DNAJC3: variants seen among roughly 807,000 people sequenced by gnomAD.
The protein encoded by DNAJC3 is dnaJ homolog subfamily C member 3.
A neutral mutation model predicts 68.6 loss-of-function variants in DNAJC3; 38 were observed. The observed-to-expected ratio is 0.55, with a 90% confidence interval of 0.43 to 0.73. The LOEUF (loss-of-function observed/expected upper bound fraction) is 0.73, where lower values mean the gene tolerates loss of function less well. Among genes scored for constraint, DNAJC3 ranks in the 30% least tolerant of loss-of-function variants. The pLI, the probability that DNAJC3 is intolerant of heterozygous loss-of-function variation, is 0.00. For missense variants in DNAJC3, 526 were observed against 591.9 expected (o/e 0.89, Z 1.16); for synonymous variants, 203 against 204.0 (o/e 1.00, Z 0.04).
chr13:95,725,251 T>C lies in DNAJC3; in HGVS notation c.392T>C (p.Val131Ala). The C allele has an allele frequency of 1.3e-6, 2 of 1,589,686 alleles. No homozygotes were observed. The highest frequency in any genetic ancestry group is 1.2e-5 in the South Asian group (1 of 86,256). ...LDEAEDDFKKVLKSNPSENEE... is the reference protein window; with the variant it reads ...LDEAEDDFKKALKSNPSENEE... ...GAAGCAGAAGATGATTTTAAAAAAG[T>C]GGTAAGTTCAATATGTATTTGACTC... The change falls in exon 4 of 12, where the codon GTG becomes GCG. Residue 131 changes from valine to alanine, a missense_variant and splice_region_variant. Transcript: ENST00000602402.
chr13:95,766,837 AT>A (rs1192480536), intron 9 of DNAJC3, among the ~76,000 whole-genome samples: 1 of 151,712 alleles, frequency 6.6e-6, no homozygotes, highest in African/African-American at 2.4e-5. Flanking sequence ...AGTAGCTGGG[AT>A]TACAGGAACT....
intron 1 of DNAJC3, among the ~76,000 whole-genome samples, chr13:95,708,776 G>A (rs1164853076): frequency 6.6e-6 from 1 of 152,106 alleles, no homozygotes; most frequent in African/African-American, 2.4e-5. Flanking sequence ...GCGCCAGGAC[G>A]GTATGAGGGG....
intron 4 of DNAJC3, among the ~76,000 whole-genome samples, chr13:95,730,659 C>T (rs1355900887): frequency 1.3e-5 from 2 of 152,142 alleles, no homozygotes; most frequent in Non-Finnish European, 2.9e-5. Context: ...TAATCTGTTC[C>T]ATTGATGTAT....
At position 95,763,892 on chromosome 13, in the gene DNAJC3, C is replaced by A; in HGVS notation, c.1014C>A (p.Asp338Glu). 1 of 1,613,994 alleles carries A rather than the reference C, an allele frequency of 6.2e-7. No individual in the cohort carries two copies. Residue 338 changes from aspartate to glutamate, a missense_variant, in exon 9 of 12, where the codon GAC becomes GAA. By Grantham distance (45) the Asp-to-Glu change is conservative. Coordinates refer to ENST00000602402, the MANE Select transcript of DNAJC3 (RefSeq NM_006260.5). The part of the protein sequence containing the change: ...VCSEVLQMEP[D>E]NVNALKDRAE... ...CTGAAGTTTTACAGATGGAACCTGA[C>A]AATGTGAATGCCCTGAAAGATCGAG...
chr13:95,785,419 T>G (rs1232210200), intron 9 of DNAJC3, among the ~76,000 whole-genome samples: 2 of 147,440 alleles, frequency 1.4e-5, no homozygotes, highest in Non-Finnish European at 3.0e-5. Context: ...ATAAACTACC[T>G]AAACTCAGTT....
rs112456868 is a variant in DNAJC3 at position 95,744,542 on chromosome 13, G to A, written c.394-13102G>A. Among the ~76,000 whole-genome samples the A allele has an allele frequency of 4.2e-3, 633 of 152,280 alleles. 3 individuals carry two copies. Among genetic ancestry groups the A allele is most frequent in the Non-Finnish European group, 6.1e-3 (415 of 68,020 alleles). On this transcript the variant is annotated intron_variant, in intron 4 of 11. Transcript: ENST00000602402. ...GTTTGAAGTAAATTTAGGGTACCTG[G>A]AATAGTTTGTCCAAACTCATTGTAG... is the stretch of plus-strand genomic sequence containing the variant.
At chr13:95,787,665 ATG>A (rs1883643633) in intron 11 of DNAJC3, among the ~76,000 whole-genome samples, 3 of 150,468 alleles carry the variant, frequency 2.0e-5, no homozygotes, top group Admixed American at 2.0e-4. Context: ...ACAGGCTTAT[ATG>A]TGTTTTTTTT....
chr13:95,727,581 A>T (rs1881572960), intron 4 of DNAJC3, among the ~76,000 whole-genome samples: 2 of 152,196 alleles, frequency 1.3e-5, no homozygotes, highest in African/African-American at 2.4e-5. Context: ...ATGCAGTGGT[A>T]AGAAATAATA....
At chr13:95,772,059 A>C (rs184808344) in intron 9 of DNAJC3, among the ~76,000 whole-genome samples, 1 of 152,352 alleles carries the variant, frequency 6.6e-6, no homozygotes, top group East Asian at 1.9e-4. Flanking sequence ...TCTCTGTTGC[A>C]ACTACTCAGC....
At chr13:95,762,287 A>G (rs983279793) in intron 7 of DNAJC3, among the ~76,000 whole-genome samples, 1 of 152,076 alleles carries the variant, frequency 6.6e-6, no homozygotes, top group Non-Finnish European at 1.5e-5. Flanking sequence ...TCTGTTTGCA[A>G]GTCTGTCCTT....
chr13:95,710,832 G>A (rs972335994), intron 2 of DNAJC3, among the ~76,000 whole-genome samples: 1 of 152,058 alleles, frequency 6.6e-6, no homozygotes, highest in Non-Finnish European at 1.5e-5. Flanking sequence ...GACTACAGCT[G>A]CATGCCATCA....
intron 1 of DNAJC3, chr13:95,692,487 A>C (rs1237317822): frequency 3.9e-5 from 6 of 152,006 alleles, no homozygotes; most frequent in Non-Finnish European, 7.4e-5. Flanking sequence ...AGCATAGTTA[A>C]ATATTCTTGT....
chr13:95,742,546 A>G (rs1195549180), intron 4 of DNAJC3: 2 of 431,290 alleles, frequency 4.6e-6, no homozygotes, highest in Admixed American at 5.5e-5. Flanking sequence ...GGGGTCACTT[A>G]CTTACTTTTT....
chr13:95,707,230 C>G (rs1430500453), intron 1 of DNAJC3, among the ~76,000 whole-genome samples: 2 of 152,142 alleles, frequency 1.3e-5, no homozygotes, highest in African/African-American at 4.8e-5. Flanking sequence ...GGTGGTAATG[C>G]TCTCTGGCTT....
chr13:95,786,298 A>C (rs979772815), intron 10 of DNAJC3, among the ~76,000 whole-genome samples: 2 of 152,214 alleles, frequency 1.3e-5, no homozygotes, highest in African/African-American at 4.8e-5. Context: ...GTTGGCAACA[A>C]AGATGACACT....
chr13:95,692,666 G>T (rs1168775481), intron 1 of DNAJC3: 1 of 151,872 alleles, frequency 6.6e-6, no homozygotes, highest in Admixed American at 6.6e-5. Context: ...CACTGTTTAG[G>T]TGCTATTACC....
chr13:95,722,240 C>T (rs1481928207), intron 2 of DNAJC3, among the ~76,000 whole-genome samples: 2 of 152,114 alleles, frequency 1.3e-5, no homozygotes, highest in African/African-American at 4.8e-5. Flanking sequence ...CTTCTCTAGC[C>T]CCTTTCTCTA....
intron 4 of DNAJC3, among the ~76,000 whole-genome samples, chr13:95,741,629 G>A (rs1215464230): frequency 6.6e-6 from 1 of 152,102 alleles, no homozygotes; most frequent in Non-Finnish European, 1.5e-5. Flanking sequence ...AGCAGTTGTG[G>A]CCTGGGCAAT....
intron 11 of DNAJC3, among the ~76,000 whole-genome samples, chr13:95,788,176 A>T (rs546275506): frequency 3.0e-4 from 45 of 152,382 alleles, no homozygotes; most frequent in African/African-American, 1.0e-3. Context: ...CCAGTAAAGG[A>T]GACAGAAATG....
Sources: gnomAD v4.1 joint callset for allele counts (sites outside exome capture counted in the v4.1 genomes callset) on GRCh38, gnomAD v4.1.1 for gene constraint, MANE v1.5 for transcripts, NCBI Gene and HGNC (gene_info 2026-07-23, HGNC 2026-07-21) for gene names.